The following SLC4A5 variants were observed in gnomAD, a reference collection of about 807,000 sequenced individuals.
SLC4A5 encodes solute carrier family 4 member 5, also known as electrogenic sodium bicarbonate cotransporter 4.
In SLC4A5, 96 loss-of-function variants were observed where a neutral mutation model predicts 120.4. The observed-to-expected ratio is 0.80, with a 90% CI of 0.68 to 0.94. SLC4A5 has a LOEUF of 0.94. Ranked by LOEUF, SLC4A5 falls within the 40% of genes least tolerant of loss-of-function variation. The probability of loss-of-function intolerance (pLI) is 0.00; values close to 1 mark genes in which losing one functional copy is unlikely to be tolerated. For synonymous variants in SLC4A5, 550 were observed against 571.1 expected, an observed-to-expected ratio of 0.96 and a Z score of 0.53; for missense variants, 1,259 against 1,459.5, an observed-to-expected ratio of 0.86 and a Z score of 2.24.
rs3771735 is a variant in SLC4A5, at chr2:74,300,829, C to A, written c.271+3660G>T. Among the ~76,000 whole-genome samples the A allele has an allele frequency of 6.6e-5, 10 of 152,242 alleles. No individual in the cohort carries two copies. The East Asian group carries it at 1.7e-3, about 26-fold the overall frequency. On this transcript the variant is annotated intron_variant, in intron 7 of 30. Coordinates refer to ENST00000394019, the Ensembl canonical transcript of SLC4A5. ...TTCCATGTAGCGCATGGAGCCAGTA[C>A]AAGAAGGACAAGGATGCCTGGGCTG...
intron 16 of SLC4A5, 164 bp from the exon 17 acceptor site, chr2:74,250,681 C>A: frequency 1.3e-6 from 1 of 789,446 alleles, no homozygotes; most frequent in East Asian, 2.7e-5. Flanking sequence ...GGATGAATTC[C>A]TGTAGGACTG....
Position 74,255,826 on chromosome 2 carries a change from A to C in SLC4A5, c.974T>G (p.Leu325Arg). 6.2e-7 allele frequency: 1 copy of C among 1,614,170 alleles called. No individual in the cohort carries two copies. Among genetic ancestry groups the C allele is most frequent in the Non-Finnish European group, 8.5e-7 (1 of 1,180,036 alleles). The change falls in exon 13 of 31, where the codon CTC becomes CGC. Residue 325 changes from leucine (L) to arginine (R), a missense_variant. By Grantham distance (102) the Leu-to-Arg change is moderately radical. Transcript: ENST00000394019. The surrounding 1 kb of genome is among the most constrained non-coding windows in gnomAD (Gnocchi z 4.0). Reference sequence around the variant, plus strand: ...TCCTCCCAGCATGGCCGACTGGATGAGGCGCACGAACGCGATGAATGGCTG... The same window carrying C: ...TCCTCCCAGCATGGCCGACTGGATGCGGCGCACGAACGCGATGAATGGCTG...
At chr2:74,240,782 A>AC (rs1670416625) in intron 20 of SLC4A5, among the ~76,000 whole-genome samples, 1 of 151,532 alleles carries the variant, frequency 6.6e-6, no homozygotes, top group African/African-American at 2.4e-5. Context: ...AAAAAAAAAA[A>AC]CCCTAATCTT....
chr2:74,253,682 C>G (rs533062837), intron 14 of SLC4A5, among the ~76,000 whole-genome samples: 1 of 151,938 alleles, frequency 6.6e-6, no homozygotes, highest in Non-Finnish European at 1.5e-5. Context: ...CGAAGCAAAT[C>G]TGACTGATTT....
At chr2:74,331,986 G>A (rs1373133706) in intron 4 of SLC4A5, among the ~76,000 whole-genome samples, 1 of 152,092 alleles carries the variant, frequency 6.6e-6, no homozygotes. Flanking sequence ...GCAGGTTCTT[G>A]CGTTGTGGGA....
chr2:74,334,924 A>G (rs1346453150), intron 3 of SLC4A5, among the ~76,000 whole-genome samples: 1 of 152,142 alleles, frequency 6.6e-6, no homozygotes, highest in African/African-American at 2.4e-5. Context: ...TATCCTGAGG[A>G]GGCGGGGAGG....
intron 30 of SLC4A5, among the ~76,000 whole-genome samples, chr2:74,219,774 G>C (rs1466117466): frequency 6.6e-6 from 1 of 152,102 alleles, no homozygotes; most frequent in Non-Finnish European, 1.5e-5. Context: ...CATAATACCG[G>C]TGTATACTAA....
intron 5 of SLC4A5, among the ~76,000 whole-genome samples, chr2:74,325,776 C>A (rs534327737): frequency 6.6e-6 from 1 of 151,438 alleles, no homozygotes; most frequent in East Asian, 1.9e-4. Flanking sequence ...GATCACAGAA[C>A]CAGCCATGGT....
intron 8 of SLC4A5, among the ~76,000 whole-genome samples, chr2:74,274,025 C>G (rs1156266961): frequency 6.6e-6 from 1 of 152,222 alleles, no homozygotes; most frequent in Admixed American, 6.5e-5. Flanking sequence ...ATTAGCCAGG[C>G]GTGGTTGTGC....
rs746413170 is a variant in SLC4A5, at chr2:74,227,845, G to A, written c.2881C>T (p.Leu961Phe). 2 of 1,612,008 alleles carry A rather than the reference G, an allele frequency of 1.2e-6. No homozygotes were observed. The highest frequency in any genetic ancestry group is 1.7e-6 in the Non-Finnish European group (2 of 1,179,250). Residue 961 changes from leucine (L) to phenylalanine (F), a missense_variant, in exon 26 of 31, where the codon CTC becomes TTC. Transcript: ENST00000394019. ...TTCAGGGAGGCCACGCCCATGTAGA[G>A]GAAGACTCCGTACAGCACCGGCAGG... is the stretch of plus-strand genomic sequence containing the variant.
At chr2:74,304,808 G>GTTT in intron 6 of SLC4A5, 128 bp from the exon 7 acceptor site, 1 of 891,792 alleles carries the variant, frequency 1.1e-6, no homozygotes, top group Non-Finnish European at 1.7e-6. Context: ...GCCAGGATGG[G>GTTT]GTCATTGCCC....
At chr2:74,305,643 A>C (rs184042497) in intron 6 of SLC4A5, among the ~76,000 whole-genome samples, 9 of 152,076 alleles carry the variant, frequency 5.9e-5, no homozygotes, top group African/African-American at 2.2e-4. Flanking sequence ...TATCATATAG[A>C]ATAGCTTCAC....
chr2:74,266,198 T>A (rs1438017705), intron 8 of SLC4A5, among the ~76,000 whole-genome samples: 1 of 152,176 alleles, frequency 6.6e-6, no homozygotes, highest in Non-Finnish European at 1.5e-5. Flanking sequence ...TAAAGCGGTG[T>A]GATTCCAGGC....
chr2:74,307,655 C>G, intron 6 of SLC4A5: 4 of 1,008,868 alleles, frequency 4.0e-6, no homozygotes, highest in Non-Finnish European at 4.6e-6. Context: ...CCTGGGGTCC[C>G]TTCTTCTCCA....
In SLC4A5 at chr2:74,232,664, G is replaced by C. The variant is rs764531322; in HGVS notation, c.2596-17C>G. 1 of 1,608,696 alleles carries C rather than the reference G, an allele frequency of 6.2e-7. No homozygotes were observed. Among genetic ancestry groups the C allele is most frequent in the Non-Finnish European group, 8.5e-7 (1 of 1,178,450 alleles). On this transcript the variant is annotated splice_polypyrimidine_tract_variant and intron_variant, in intron 23 of 30. Coordinates refer to ENST00000394019, the Ensembl canonical transcript of SLC4A5. ...GGCAGCCTTCTGCAGGAGCGGGGTT[G>C]GGGGAGGGAGAAGTTTCTGGGGAGC...
chr2:74,251,208 C>T (rs182110474), intron 16 of SLC4A5, among the ~76,000 whole-genome samples: 180 of 152,022 alleles, frequency 1.2e-3, no homozygotes, highest in African/African-American at 4.1e-3. Context: ...CTCCCCTCTC[C>T]GGTTGTGACA....
At chr2:74,323,828 T>C (rs1673151699) in intron 5 of SLC4A5, among the ~76,000 whole-genome samples, 1 of 152,250 alleles carries the variant, frequency 6.6e-6, no homozygotes, top group South Asian at 2.1e-4. Flanking sequence ...GGTTGTAAGA[T>C]AGTTAAATAT....
intron 26 of SLC4A5, 102 bp downstream of exon 26, chr2:74,227,708 T>C (rs1694898462): frequency 4.1e-6 from 5 of 1,208,128 alleles, no homozygotes; most frequent in Non-Finnish European, 5.8e-6. Flanking sequence ...ATTAGGACAA[T>C]TGGGGACAAT....
At chr2:74,256,186 G>A (rs373806083) in intron 12 of SLC4A5, among the ~76,000 whole-genome samples, 14 of 152,288 alleles carry the variant, frequency 9.2e-5, no homozygotes, top group African/African-American at 2.6e-4. Flanking sequence ...ATTCCTTGAC[G>A]GATGAAAACG....
Sources: gnomAD v4.1 joint callset for allele counts (sites outside exome capture counted in the v4.1 genomes callset) on GRCh38, gnomAD v4.1.1 for gene constraint, Gnocchi (gnomAD v3.1) non-coding constraint, MANE v1.5 for transcripts, NCBI Gene and HGNC (gene_info 2026-07-23, HGNC 2026-07-21) for gene names.